The following MTMR9 variants were observed in gnomAD, a reference collection of about 807,000 sequenced individuals.
MTMR9 encodes myotubularin related protein 9, also known as myotubularin-related protein 9.
MTMR9 carries 39 observed loss-of-function variants against 69.5 expected under a neutral mutation model. The ratio of observed to expected loss-of-function variants is 0.56; its 90% CI spans 0.43 to 0.73. The LOEUF (loss-of-function observed/expected upper bound fraction) is 0.73, where lower values mean the gene tolerates loss of function less well. Among genes scored for constraint, MTMR9 ranks in the 30% least tolerant of loss-of-function variants. MTMR9 has a pLI of 0.00. For missense variants in MTMR9, 900 were observed against 671.2 expected, an observed-to-expected ratio of 1.34 and a Z score of -3.77; for synonymous variants, 354 against 240.8, an observed-to-expected ratio of 1.47 and a Z score of -4.35.
rs113051621 is a variant in MTMR9, at chr8:11,299,879, A to G, written c.292-144A>G. The G allele has an allele frequency of 2.6e-3, 2,395 of 927,808 alleles. 43 individuals are homozygous for G. In the African/African-American group the frequency reaches 0.036, roughly 14 times the overall value. 57.5% of individuals were successfully genotyped at this position (927,808 alleles called of 1,614,324 possible). The stretch of plus-strand genomic sequence containing the variant: ...TCAGCTTCAGTAAGACTAAAATTGT[A>G]TCTGGTGATAAACACAATGTTAGAG... On this transcript the variant is annotated intron_variant, in intron 2 of 9. Coordinates refer to ENST00000221086, the MANE Select transcript of MTMR9 (RefSeq NM_015458.4).
At chr8:11,312,188 G>T (rs1800228702) in intron 6 of MTMR9, among the ~76,000 whole-genome samples, 1 of 151,900 alleles carries the variant, frequency 6.6e-6, no homozygotes, top group Admixed American at 6.6e-5. Context: ...AGTACTACAG[G>T]TGCACACCAC....
At chr8:11,296,754 G>A (rs1196125027) in intron 2 of MTMR9, among the ~76,000 whole-genome samples, 2 of 152,094 alleles carry the variant, frequency 1.3e-5, no homozygotes, top group African/African-American at 2.4e-5. Flanking sequence ...GGATGCATGT[G>A]GTGAGACTTT....
intron 3 of MTMR9, among the ~76,000 whole-genome samples, chr8:11,302,652 C>G (rs1036087907): frequency 2.6e-5 from 4 of 152,130 alleles, no homozygotes; most frequent in Non-Finnish European, 5.9e-5. Context: ...ATCATTCTCT[C>G]TAAGTTCAAG....
At position 11,314,929 on chromosome 8, in the gene MTMR9, A is replaced by C. The variant is rs111690037; in HGVS notation, c.978A>C (p.Gly326=). The change falls in exon 7 of 10, where the codon GGA becomes GGC. Residue 326 remains glycine, a synonymous_variant. Transcript: ENST00000221086. ...CLAAQCIDRE[G]ASILIHGTEG... is the part of the protein sequence containing the mutation. ...TCCCTGATTTTCCTATCAGGGAAGG[A>C]GCATCAATATTGATTCACGGAACAG... The C allele has an allele frequency of 6.2e-7, 1 of 1,613,676 alleles. No individual in the cohort carries two copies.
At chr8:11,298,158 T>C (rs1464526802) in intron 2 of MTMR9, among the ~76,000 whole-genome samples, 2 of 152,162 alleles carry the variant, frequency 1.3e-5, no homozygotes, top group Admixed American at 6.5e-5. Flanking sequence ...TGTTTTCAGT[T>C]CTCTCAGCAT....
rs970158881 is a variant in MTMR9, at chr8:11,309,797, G to A, written c.971+109G>A. On this transcript the variant is annotated intron_variant, in intron 6 of 9. Coordinates refer to ENST00000221086, the MANE Select transcript of MTMR9 (RefSeq NM_015458.4). ...ATGTGAAAGTTTGCAGTAAATTACT[G>A]TGTAGGCTAGTCAACACCATCCCAT... The A allele has an allele frequency of 3.4e-6, 4 of 1,174,000 alleles. No homozygotes were observed. The African/African-American group carries it at 4.6e-5, about 13-fold the overall frequency. The allele number at this position is 1,174,000 out of a possible 1,614,324, so 72.7% of individuals were successfully genotyped here.
At chr8:11,316,487 T>C (rs1165640449) in intron 7 of MTMR9, 186 bp from the exon 8 acceptor site, 2 of 439,260 alleles carry the variant, frequency 4.6e-6, no homozygotes, top group African/African-American at 4.0e-5. Flanking sequence ...AGTGTGTCTT[T>C]TTCCTTAGTT....
chr8:11,293,854 C>G (rs555114875), intron 1 of MTMR9, among the ~76,000 whole-genome samples: 1 of 150,888 alleles, frequency 6.6e-6, no homozygotes, highest in Non-Finnish European at 1.5e-5. Context: ...TCTCTGTTCA[C>G]GTGTAAGTGG....
downstream of MTMR9, among the ~76,000 whole-genome samples, chr8:11,329,814 A>G (rs989591453): frequency 2.1e-4 from 31 of 145,582 alleles, no homozygotes; most frequent in African/African-American, 7.5e-4. Flanking sequence ...CCGGCTGCCC[A>G]GTCTGGGAAG....
chr8:11,319,569 C>CAA, intron 8 of MTMR9, 118 bp from the exon 9 acceptor site: 1 of 1,062,522 alleles, frequency 9.4e-7, no homozygotes, highest in Non-Finnish European at 1.4e-6. Context: ...GTTTCTCTAC[C>CAA]AAAAGTCTTG....
intron 4 of MTMR9, among the ~76,000 whole-genome samples, chr8:11,305,364 A>T (rs1214752124): frequency 3.3e-5 from 5 of 152,302 alleles, no homozygotes; most frequent in Middle Eastern, 3.4e-3. Context: ...AAATACTTGA[A>T]TTTTTCTTAA....
At chr8:11,299,640 G>A (rs1478342976) in intron 2 of MTMR9, among the ~76,000 whole-genome samples, 2 of 152,162 alleles carry the variant, frequency 1.3e-5, no homozygotes, top group Admixed American at 6.5e-5. Flanking sequence ...GTAATAACTG[G>A]ATTTTGAGCC....
At chr8:11,331,323 C>T, downstream of MTMR9, 5 of 1,613,888 alleles carry the variant, frequency 3.1e-6, no homozygotes, top group Non-Finnish European at 3.4e-6. Flanking sequence ...GCTGGAGCTG[C>T]TCATCTGTCG....
At chr8:11,319,504 AGAGTT>A in intron 8 of MTMR9, 178 bp from the exon 9 acceptor site, 1 of 603,000 alleles carries the variant, frequency 1.7e-6, no homozygotes, top group East Asian at 2.9e-5. Context: ...GTTGTTGTTG[AGAGTT>A]CTAATGCCGA....
At position 11,323,469 on chromosome 8, in the gene MTMR9, T is replaced by C. The variant is rs1183337252; in HGVS notation, c.*681T>C. On this transcript the variant is annotated 3_prime_UTR_variant, in exon 10 of 10. Transcript: ENST00000221086. ...GTTAAATTTATTTTAACGTAGACACTAAAAGTATGTGCAATATACAATTAA... is the reference window on the plus strand; with the variant it reads ...GTTAAATTTATTTTAACGTAGACACCAAAAGTATGTGCAATATACAATTAA... The C allele has an allele frequency of 6.6e-6, 1 of 152,254 alleles. No homozygotes were observed. Among genetic ancestry groups the C allele is most frequent in the Non-Finnish European group, 1.5e-5 (1 of 68,034 alleles). 9.4% of individuals were successfully genotyped at this position (152,254 alleles called of 1,614,324 possible). A position where few individuals can be genotyped will look rare whatever the true frequency, so the allele number is the denominator to read the frequency against.
chr8:11,306,340 A>G lies in MTMR9; in HGVS notation c.742A>G (p.Lys248Glu). 1.2e-6 allele frequency: 2 copies of G among 1,614,084 alleles called. No individual in the cohort carries two copies. Among genetic ancestry groups the G allele is most frequent in the Non-Finnish European group, 1.7e-6 (2 of 1,179,956 alleles). Residue 248 changes from lysine to glutamate, a missense_variant, in exon 5 of 10, where the codon AAA becomes GAA. By Grantham distance (56) the Lys-to-Glu change is moderately conservative. Transcript: ENST00000221086. ...SLNVAQQTRA[K>E]GGGFEQEAHY... is the part of the protein sequence containing the mutation. Reference sequence around the variant, plus strand: ...GAACGTGGCTCAGCAAACTAGAGCCAAAGGAGGTGGCTTTGAACAAGAAGC... The same window carrying G: ...GAACGTGGCTCAGCAAACTAGAGCCGAAGGAGGTGGCTTTGAACAAGAAGC...
intron 2 of MTMR9, 74 bp downstream of exon 2, chr8:11,295,376 C>G: frequency 1.1e-6 from 1 of 885,102 alleles, no homozygotes; most frequent in Non-Finnish European, 1.8e-6. Context: ...TCCATTTCTT[C>G]ATTAGATAAT....
intron 2 of MTMR9, chr8:11,298,885 C>T: frequency 1.0e-6 from 1 of 984,936 alleles, no homozygotes; most frequent in Non-Finnish European, 1.2e-6. Context: ...TAAATATAGG[C>T]CCATTTGGGG....
the MTMR9 span, among the ~76,000 whole-genome samples, chr8:11,337,479 G>T: frequency 8.5e-5 from 13 of 152,292 alleles, no homozygotes; most frequent in East Asian, 2.5e-3. Context: ...CCTCTGCCTT[G>T]CATTTGTCTT....
Sources: gnomAD v4.1 joint callset for allele counts (sites outside exome capture counted in the v4.1 genomes callset) on GRCh38, gnomAD v4.1.1 for gene constraint, MANE v1.5 for transcripts, NCBI Gene and HGNC (gene_info 2026-07-23, HGNC 2026-07-21) for gene names.